Variants in RASA2 observed in about 807,000 individuals in gnomAD.
The protein encoded by RASA2 is ras GTPase-activating protein 2.
Under a neutral mutation model 118.2 loss-of-function variants are expected in RASA2, and 155 were observed. The ratio of observed to expected loss-of-function variants is 1.31; its 90% CI spans 1.15 to 1.50. The LOEUF (loss-of-function observed/expected upper bound fraction) is 1.50. Ranked by LOEUF, RASA2 falls within the 40% of genes most tolerant of loss-of-function variation. RASA2 has a pLI of 0.00. For synonymous variants in RASA2, 353 were observed against 349.1 expected (o/e 1.01, Z -0.12); for missense variants, 1,016 against 1,009.6 (o/e 1.01, Z -0.09).
At position 141,577,032 on chromosome 3, in the gene RASA2, A is replaced by G; in HGVS notation, c.1516A>G (p.Ser506Gly). The G allele has an allele frequency of 1.2e-6, 2 of 1,611,392 alleles. No homozygotes were observed. The highest frequency in any genetic ancestry group is 8.5e-7 in the Non-Finnish European group (1 of 1,178,596). Residue 506 changes from serine to glycine, a missense_variant, in exon 15 of 24, where the codon AGC becomes GGC. By Grantham distance (56) the Ser-to-Gly change is moderately conservative. Around this residue, in one of 2 missense-constraint regions of RASA2, gnomAD observed 896 missense variants for 836.4 expected, o/e 1.07. Coordinates refer to ENST00000286364, the MANE Select transcript of RASA2 (RefSeq NM_006506.5). ...DPHVQYSAVS[S>G]FVFLRFFAVA... is the part of the protein sequence containing the mutation. ...TCATGTTCAGTATTCTGCAGTGAGC[A>G]GCTTTGTATTTCTTCGTTTCTTTGC...
At chr3:141,589,658 C>T (rs1316743647) in intron 19 of RASA2, among the ~76,000 whole-genome samples, 2 of 151,916 alleles carry the variant, frequency 1.3e-5, no homozygotes, top group Non-Finnish European at 2.9e-5. Flanking sequence ...CTGGCCAACG[C>T]GGTGAAACCC....
chr3:141,515,031 G>T lies in RASA2; in HGVS notation c.252-1297G>T, dbSNP rs113061703. ...AAGGAGAGGCATAAGAGAACTTTCTGGGGAGATAGCAGTGTCCTTTATTTT... is the reference window on the plus strand; with the variant it reads ...AAGGAGAGGCATAAGAGAACTTTCTTGGGAGATAGCAGTGTCCTTTATTTT... On this transcript the variant is annotated intron_variant, in intron 2 of 23. Transcript: ENST00000286364. Among the ~76,000 whole-genome samples the T allele has an allele frequency of 2.0e-5, 3 of 152,242 alleles. No homozygotes were observed. In the South Asian group the frequency reaches 6.2e-4, roughly 32 times the overall value.
At chr3:141,489,637 C>T (rs1320395750) in intron 1 of RASA2, among the ~76,000 whole-genome samples, 2 of 152,160 alleles carry the variant, frequency 1.3e-5, no homozygotes, top group African/African-American at 4.8e-5. Flanking sequence ...GAAAATTAGC[C>T]TGAAGAAATT....
chr3:141,503,153 A>G (rs2081809650), intron 1 of RASA2, among the ~76,000 whole-genome samples: 1 of 152,218 alleles, frequency 6.6e-6, no homozygotes, highest in Non-Finnish European at 1.5e-5. Context: ...ATAAATCTTT[A>G]TCTTCTTTTC....
chr3:141,549,315 C>T (rs551186810), intron 5 of RASA2, among the ~76,000 whole-genome samples: 26 of 152,084 alleles, frequency 1.7e-4, no homozygotes, highest in Non-Finnish European at 2.8e-4. Context: ...GTTCTCACCA[C>T]AAATAAACAT....
intron 4 of RASA2, among the ~76,000 whole-genome samples, chr3:141,537,033 C>T (rs2082337471): frequency 6.6e-6 from 1 of 152,206 alleles, no homozygotes; most frequent in Admixed American, 6.5e-5. Context: ...AGGCATGAGC[C>T]ACTGCGCCCA....
intron 8 of RASA2, among the ~76,000 whole-genome samples, chr3:141,559,583 G>T (rs2082699995): frequency 6.6e-6 from 1 of 152,028 alleles, no homozygotes; most frequent in Non-Finnish European, 1.5e-5. Flanking sequence ...AGAAACTGTA[G>T]TCTTATTGTA....
At chr3:141,585,045 G>A (rs1211953106) in intron 17 of RASA2, among the ~76,000 whole-genome samples, 1 of 152,066 alleles carries the variant, frequency 6.6e-6, no homozygotes, top group Non-Finnish European at 1.5e-5. Flanking sequence ...TGTTCAACCT[G>A]TATTCTTATG....
chr3:141,580,097 T>A (rs868785866), intron 15 of RASA2, among the ~76,000 whole-genome samples: 196 of 127,278 alleles, frequency 1.5e-3, no homozygotes, highest in African/African-American at 5.5e-3. Flanking sequence ...TATATATATA[T>A]ATATATATAT....
intron 3 of RASA2, among the ~76,000 whole-genome samples, chr3:141,518,408 G>A (rs550602919): frequency 4.1e-5 from 6 of 144,944 alleles, no homozygotes; most frequent in Admixed American, 7.0e-5. Context: ...GCTTGAATCC[G>A]GGAGGCAGAG....
At position 141,488,901 on chromosome 3, in the gene RASA2, G is replaced by A. The variant is rs1174655189; in HGVS notation, c.133+1685G>A. 3.9e-5 allele frequency among the ~76,000 whole-genome samples: 6 copies of A among 152,118 alleles called. No homozygotes were observed. In the South Asian group the frequency reaches 1.2e-3, roughly 32 times the overall value. ...GTACGTAACTGCAGGTTTTACCATG[G>A]AACTACATATACACATGTCTTGGAA... On this transcript the variant is annotated intron_variant, in intron 1 of 23. Coordinates refer to ENST00000286364, the MANE Select transcript of RASA2 (RefSeq NM_006506.5).
chr3:141,497,827 G>A (rs1217057369), intron 1 of RASA2, among the ~76,000 whole-genome samples: 4 of 150,148 alleles, frequency 2.7e-5, no homozygotes, highest in African/African-American at 4.9e-5. Flanking sequence ...AGCTGAGGTC[G>A]CACCACTGCA....
chr3:141,576,260 C>A (rs1351762022), intron 14 of RASA2, among the ~76,000 whole-genome samples: 1 of 152,120 alleles, frequency 6.6e-6, no homozygotes, highest in Non-Finnish European at 1.5e-5. Flanking sequence ...GGAAGGAGGG[C>A]AGAGCAGACA....
At chr3:141,545,872 C>G (rs2082477993) in intron 5 of RASA2, among the ~76,000 whole-genome samples, 1 of 152,054 alleles carries the variant, frequency 6.6e-6, no homozygotes, top group Non-Finnish European at 1.5e-5. Flanking sequence ...CCCGTCCCAG[C>G]CCCTGGAAAA....
chr3:141,540,012 C>A (rs1295137625), intron 4 of RASA2, among the ~76,000 whole-genome samples: 1 of 152,130 alleles, frequency 6.6e-6, no homozygotes, highest in Non-Finnish European at 1.5e-5. Context: ...TACCCACTCC[C>A]ACAGTGCCTT....
intron 5 of RASA2, among the ~76,000 whole-genome samples, chr3:141,548,302 C>G (rs1321732078): frequency 6.6e-6 from 1 of 152,144 alleles, no homozygotes; most frequent in Non-Finnish European, 1.5e-5. Context: ...GTGAAGCCAT[C>G]AGGTCCCAGG....
chr3:141,593,999 G>C (rs2083325606), intron 19 of RASA2, among the ~76,000 whole-genome samples: 1 of 152,170 alleles, frequency 6.6e-6, no homozygotes, highest in Non-Finnish European at 1.5e-5. Context: ...CTACATGTTG[G>C]AATTAGCAGA....
intron 19 of RASA2, among the ~76,000 whole-genome samples, chr3:141,598,602 A>G (rs2083412277): frequency 6.6e-6 from 1 of 152,240 alleles, no homozygotes; most frequent in Non-Finnish European, 1.5e-5. Context: ...AAACTCCTGA[A>G]GAATCCTCAG....
chr3:141,532,027 G>A (rs771131740), intron 4 of RASA2, among the ~76,000 whole-genome samples: 2 of 152,020 alleles, frequency 1.3e-5, no homozygotes, highest in African/African-American at 2.4e-5. Context: ...AACAGATTGC[G>A]TTCAACAGGA....
Sources: allele counts gnomAD v4.1 joint callset (sites outside exome capture counted in the v4.1 genomes callset), GRCh38; gene constraint gnomAD v4.1.1; regional missense constraint gnomAD v4.1.1; transcripts MANE v1.5; gene names NCBI Gene and HGNC (gene_info 2026-07-23, HGNC 2026-07-21).